The following SIPA1L3 variants were observed in gnomAD, a reference collection of about 807,000 sequenced individuals.
SIPA1L3 encodes signal induced proliferation associated 1 like 3.
Under a neutral mutation model 150.1 loss-of-function variants are expected in SIPA1L3, and 59 were observed. That is an observed-to-expected ratio of 0.39 (90% CI 0.32 to 0.49). SIPA1L3 has a LOEUF of 0.49. Among genes scored for constraint, SIPA1L3 ranks in the 20% least tolerant of loss-of-function variants. The pLI is 0.86. For synonymous variants in SIPA1L3, 1,070 were observed against 1,077.6 expected (o/e 0.99, Z 0.14); for missense variants, 2,211 against 2,489.5 (o/e 0.89, Z 2.38).
chr19:38,155,704 C>CAAG lies in SIPA1L3; in HGVS notation c.3661+2737_3661+2738insAAG, dbSNP rs202108933. On this transcript the variant is annotated intron_variant, in intron 13 of 21. Coordinates refer to ENST00000222345, the MANE Select transcript of SIPA1L3 (RefSeq NM_015073.3). ...TGGGAGAGCTGACCCCATCAGCACA[C>CAAG]CAGCTCCCCCAGATGCTGTGGGGTA... Among the ~76,000 whole-genome samples, 5 of 152,266 alleles carry CAAG rather than the reference C, an allele frequency of 3.3e-5. No homozygotes were observed. In the East Asian group the frequency reaches 9.7e-4, roughly 29 times the overall value.
chr19:38,026,256 C>G (rs1968508083), intron 1 of SIPA1L3, among the ~76,000 whole-genome samples: 1 of 152,146 alleles, frequency 6.6e-6, no homozygotes, highest in African/African-American at 2.4e-5. Context: ...CCTAGCAGCT[C>G]CACTAGTAGA....
intron 1 of SIPA1L3, among the ~76,000 whole-genome samples, chr19:38,003,928 C>T (rs1204275770): frequency 6.6e-6 from 1 of 151,546 alleles, no homozygotes; most frequent in African/African-American, 2.4e-5. Context: ...AGATTTGCCA[C>T]CCTTCTGACA....
intron 1 of SIPA1L3, among the ~76,000 whole-genome samples, chr19:38,000,957 A>G (rs1440823865): frequency 2.5e-5 from 2 of 81,442 alleles, no homozygotes; most frequent in Non-Finnish European, 5.0e-5. Flanking sequence ...TAACACACAT[A>G]TAACACATAT....
intron 1 of SIPA1L3, among the ~76,000 whole-genome samples, chr19:37,971,581 G>T (rs1966938522): frequency 7.0e-6 from 1 of 143,508 alleles, no homozygotes; most frequent in South Asian, 2.2e-4. Flanking sequence ...TTTTTTTTTT[G>T]CAGAGACAGA....
chr19:38,062,077 A>C (rs954996534), intron 2 of SIPA1L3, among the ~76,000 whole-genome samples: 4 of 151,658 alleles, frequency 2.6e-5, no homozygotes, highest in African/African-American at 9.7e-5. Context: ...CGTGCTTGCC[A>C]TGTGCCCCTT....
chr19:37,955,497 G>T (rs2046802645), intron 1 of SIPA1L3, among the ~76,000 whole-genome samples: 1 of 151,956 alleles, frequency 6.6e-6, no homozygotes, highest in African/African-American at 2.4e-5. Context: ...CACCCCAAAA[G>T]ATATCCATCT....
chr19:38,035,161 C>T (rs897495486), intron 2 of SIPA1L3, among the ~76,000 whole-genome samples: 3 of 152,162 alleles, frequency 2.0e-5, no homozygotes, highest in Admixed American at 6.5e-5. Context: ...ATCAAGGAGC[C>T]GTTTCTACCA....
rs148319557 is a variant in SIPA1L3 at position 38,130,646 on chromosome 19, G to A, written c.3017G>A (p.Arg1006Gln). The A allele has an allele frequency of 8.4e-5, 135 of 1,613,740 alleles. 1 individual carries two copies. In the Middle Eastern group the frequency reaches 1.8e-3, roughly 22 times the overall value. Residue 1006 changes from arginine to glutamine, a missense_variant, in exon 10 of 22, where the codon CGA becomes CAA. Arg to Gln is a conservative substitution (Grantham distance 43, BLOSUM62 1). Coordinates refer to ENST00000222345, the MANE Select transcript of SIPA1L3 (RefSeq NM_015073.3). ...CAGGCCGGCCTCCGGCAGGGCAGCC[G>A]ACTAGTGGAGATCTGCAAGGTGGCC... ...AWQAGLRQGSRLVEICKVAVV... is the reference protein window; with the variant it reads ...AWQAGLRQGSQLVEICKVAVV...
At chr19:37,987,783 T>C (rs1967396409) in intron 1 of SIPA1L3, among the ~76,000 whole-genome samples, 2 of 152,202 alleles carry the variant, frequency 1.3e-5, no homozygotes, top group Non-Finnish European at 2.9e-5. Flanking sequence ...GCATCTCCCG[T>C]CTGCTGCACT....
intron 18 of SIPA1L3, among the ~76,000 whole-genome samples, chr19:38,195,793 T>G (rs1398450328): frequency 2.7e-3 from 54 of 19,956 alleles, no homozygotes; most frequent in South Asian, 6.1e-3. Context: ...ACAGGCCCCG[T>G]CCCCCCCCGC....
rs1461085043 is a variant in SIPA1L3 at position 38,192,177 on chromosome 19, G to A, written c.4463G>A (p.Gly1488Glu). ...QVDTNTKNVF[G>E]QPRLRASLRD... ...GACACGAACACCAAAAATGTCTTTGGGCAACCGAGGTTGAGGGCATCCCTC... is the reference window on the plus strand; with the variant it reads ...GACACGAACACCAAAAATGTCTTTGAGCAACCGAGGTTGAGGGCATCCCTC... The change falls in exon 17 of 22, where the codon GGG becomes GAG. Residue 1488 changes from glycine (G) to glutamate (E), a missense_variant. Coordinates refer to ENST00000222345, the MANE Select transcript of SIPA1L3 (RefSeq NM_015073.3). 1.9e-6 allele frequency: 3 copies of A among 1,611,332 alleles called. No homozygotes were observed. Among genetic ancestry groups the A allele is most frequent in the African/African-American group, 2.7e-5 (2 of 74,638 alleles).
At chr19:38,110,187 C>A (rs1226169528) in intron 7 of SIPA1L3, 40 bp from the exon 8 acceptor site, 1 of 1,605,112 alleles carries the variant, frequency 6.2e-7, no homozygotes, top group African/African-American at 1.3e-5. Context: ...TCAGGCCGAC[C>A]TGTGACAGGT....
chr19:38,101,267 C>T lies in SIPA1L3; in HGVS notation c.2029+41C>T, dbSNP rs1268243927. ...GTTAGATCACAGTGAGCCACCACTGCACTCCTACTCAACAGGCAAAGCTTA... is the reference window on the plus strand; with the variant it reads ...GTTAGATCACAGTGAGCCACCACTGTACTCCTACTCAACAGGCAAAGCTTA... On this transcript the variant is annotated intron_variant, in intron 6 of 21. Coordinates refer to ENST00000222345, the MANE Select transcript of SIPA1L3 (RefSeq NM_015073.3). 5.8e-6 allele frequency: 8 copies of T among 1,374,450 alleles called. No homozygotes were observed. In the African/African-American group the frequency reaches 5.9e-5, roughly 10 times the overall value. The allele number at this position is 1,374,450 out of a possible 1,614,324, so 85.1% of individuals were successfully genotyped here.
intron 6 of SIPA1L3, among the ~76,000 whole-genome samples, chr19:38,105,506 G>C (rs1428941858): frequency 6.6e-6 from 1 of 152,154 alleles, no homozygotes; most frequent in African/African-American, 2.4e-5. Context: ...TCAGTAAGCA[G>C]GTTTGCCTCT....
intron 1 of SIPA1L3, among the ~76,000 whole-genome samples, chr19:37,930,353 T>C (rs1747278271): frequency 1.3e-5 from 2 of 150,842 alleles, no homozygotes; most frequent in African/African-American, 4.9e-5. Context: ...AGACGAGGTC[T>C]CACTTTGTTG....
At chr19:38,105,364 CAAA>C (rs879383438) in intron 6 of SIPA1L3, among the ~76,000 whole-genome samples, 1 of 111,498 alleles carries the variant, frequency 9.0e-6, no homozygotes, top group African/African-American at 3.4e-5. Flanking sequence ...AACTCTGTCT[CAAA>C]AAAAAAAAAA....
At chr19:37,917,106 C>T (rs1011904662) in intron 1 of SIPA1L3, among the ~76,000 whole-genome samples, 7 of 152,128 alleles carry the variant, frequency 4.6e-5, no homozygotes. Context: ...AACATGTAAT[C>T]AATATAGAAA....
chr19:38,035,750 C>T (rs1318860367), intron 2 of SIPA1L3, among the ~76,000 whole-genome samples: 1 of 151,542 alleles, frequency 6.6e-6, no homozygotes, highest in Non-Finnish European at 1.5e-5. Context: ...ATGGTGGTGG[C>T]GGTGGTGGAG....
intron 1 of SIPA1L3, among the ~76,000 whole-genome samples, chr19:37,979,286 C>T (rs1277249817): frequency 6.6e-6 from 1 of 152,036 alleles, no homozygotes; most frequent in Non-Finnish European, 1.5e-5. Flanking sequence ...CAGTGGCTCA[C>T]GCCTGTAATC....
Sources: allele counts gnomAD v4.1 joint callset (sites outside exome capture counted in the v4.1 genomes callset), GRCh38; gene constraint gnomAD v4.1.1; transcripts MANE v1.5; gene names NCBI Gene and HGNC (gene_info 2026-07-23, HGNC 2026-07-21).